The following ORC1 variants were observed in gnomAD, a reference collection of about 807,000 sequenced individuals.
ORC1 encodes the protein origin recognition complex, subunit 1 homolog.
A neutral mutation model predicts 98.9 loss-of-function variants in ORC1; 61 were observed. That is an observed-to-expected ratio of 0.62 (90% CI 0.50 to 0.76). ORC1 has a LOEUF of 0.76. Among genes scored for constraint, ORC1 ranks in the 30% least tolerant of loss-of-function variants. The pLI, the probability that ORC1 is intolerant of heterozygous loss-of-function variation, is 0.00. For synonymous variants in ORC1, 385 were observed against 406.9 expected (o/e 0.95, Z 0.65); for missense variants, 979 against 1,072.2 (o/e 0.91, Z 1.21).
rs772302149 is a variant in ORC1, at chr1:52,383,459, C to T, written c.1974G>A (p.Leu658=). The T allele has an allele frequency of 6.2e-7, 1 of 1,613,230 alleles. No individual in the cohort carries two copies. The highest frequency in any genetic ancestry group is 8.5e-7 in the Non-Finnish European group (1 of 1,180,048). Residue 658 remains leucine (L), a synonymous_variant, in exon 13 of 17, where the codon CTG becomes CTA. Transcript: ENST00000371568. Reference sequence around the variant, plus strand: ...CCCGGTTCATCATGATTCGCTCTGGCAGGTCCATTGTGTTGGCAATTGCCA... The same window carrying T: ...CCCGGTTCATCATGATTCGCTCTGGTAGGTCCATTGTGTTGGCAATTGCCA... ...VVLAIANTMD[L]PERIMMNRVS...
Position 52,384,684 on chromosome 1 carries a change from T to A in ORC1, c.1621A>T (p.Thr541Ser). ...YISGVPGTGK[T>S]ATVHEVIRCL... is the part of the protein sequence containing the mutation. ...CGTATCACTTCATGAACAGTGGCAGTCTTCCCTGTCCCAGGGACACCGGAG... is the reference window on the plus strand; with the variant it reads ...CGTATCACTTCATGAACAGTGGCAGACTTCCCTGTCCCAGGGACACCGGAG... The change falls in exon 11 of 17, where the codon ACT (threonine) becomes TCT (serine). Residue 541 changes from threonine (T) to serine (S), a missense_variant. Thr to Ser is a moderately conservative substitution (Grantham distance 58). Transcript: ENST00000371568. 6.2e-7 allele frequency: 1 copy of A among 1,613,962 alleles called. No individual in the cohort carries two copies. Among genetic ancestry groups the A allele is most frequent in the South Asian group, 1.1e-5 (1 of 91,072 alleles).
chr1:52,388,811 C>T (rs530833650), intron 7 of ORC1, among the ~76,000 whole-genome samples, 174 bp from the exon 8 acceptor site: 2 of 151,896 alleles, frequency 1.3e-5, no homozygotes, highest in South Asian at 4.2e-4. Context: ...CTCATTAAAC[C>T]CCTCAACAAC....
At chr1:52,385,138 C>A in intron 10 of ORC1, 23 bp downstream of exon 10, 1 of 1,493,356 alleles carries the variant, frequency 6.7e-7, no homozygotes, top group South Asian at 1.1e-5. Flanking sequence ...CCCAAACTAC[C>A]CTGCCTGCCT....
upstream of ORC1, chr1:52,405,921 C>G (rs1647974807): frequency 5.4e-6 from 6 of 1,109,136 alleles, no homozygotes; most frequent in Non-Finnish European, 8.1e-6. Flanking sequence ...GGGGTGTACA[C>G]AATGTATCTC....
At chr1:52,390,535 G>A (rs879287174) in intron 6 of ORC1, among the ~76,000 whole-genome samples, 13 of 152,314 alleles carry the variant, frequency 8.5e-5, no homozygotes, top group African/African-American at 1.9e-4. Context: ...GGTGGCTCAC[G>A]CCTGTAATCC....
Position 52,373,196 on chromosome 1 carries a change from C to A in ORC1, c.2571G>T (p.Ala857=). The change falls in exon 17 of 17, where the codon GCG becomes GCT. Residue 857 remains alanine (A), a synonymous_variant. Transcript: ENST00000371568. ...TGAAGCCCCTTTACTCGTCTTTCAG[C>A]GCATACAGCACATCATCCTGGCTGA... ...LNVSQDDVLY[A]LKDE is the part of the protein sequence containing the mutation. 1 of 1,614,140 alleles carries A rather than the reference C, an allele frequency of 6.2e-7. No homozygotes were observed. Among genetic ancestry groups the A allele is most frequent in the Non-Finnish European group, 8.5e-7 (1 of 1,180,008 alleles).
intron 7 of ORC1, 136 bp downstream of exon 7, chr1:52,389,076 TTAACA>T: frequency 1.4e-6 from 1 of 736,166 alleles, no homozygotes; most frequent in East Asian, 2.7e-5. Context: ...TATTTGAAAC[TTAACA>T]TAATTCCAGA....
In ORC1 at chr1:52,402,187, T is replaced by C. The variant is rs1161193587; in HGVS notation, c.37A>G (p.Thr13Ala). Reference sequence around the variant, plus strand: ...AAGGGCCTGCCAACCCATGAATAAGTTTTTCTGGTCTTCAGCCTTGTGGGG... The same window carrying C: ...AAGGGCCTGCCAACCCATGAATAAGCTTTTCTGGTCTTCAGCCTTGTGGGG... ...HYPTRLKTRKTYSWVGRPLLD... is the reference protein window; with the variant it reads ...HYPTRLKTRKAYSWVGRPLLD... Residue 13 changes from threonine to alanine, a missense_variant, in exon 2 of 17, where the codon ACT becomes GCT. By Grantham distance (58) the Thr-to-Ala change is moderately conservative. Transcript: ENST00000371568. 1.2e-6 allele frequency: 2 copies of C among 1,614,068 alleles called. No homozygotes were observed. The highest frequency in any genetic ancestry group is 1.3e-5 in the African/African-American group (1 of 74,920).
chr1:52,381,907 C>T, intron 13 of ORC1, 146 bp from the exon 14 acceptor site: 1 of 773,704 alleles, frequency 1.3e-6, no homozygotes, highest in East Asian at 2.6e-5. Flanking sequence ...ACTGCCTTTA[C>T]TGACAATGAC....
chr1:52,397,109 C>G (rs1240127713), intron 4 of ORC1, among the ~76,000 whole-genome samples: 1 of 152,154 alleles, frequency 6.6e-6, no homozygotes, highest in Non-Finnish European at 1.5e-5. Flanking sequence ...GATAATCATG[C>G]CAGACGAGAG....
Position 52,388,601 on chromosome 1 carries a change from T to C in ORC1, c.1224A>G (p.Lys408=). The part of the protein sequence containing the change: ...LGNSKSDQEE[K]EILPAAEISD... ...AAATCTCTGCTGCTGGCAGAATCTC[T>C]TTCTCTTCTTGGTCACTTTTACTAT... Residue 408 remains lysine (K), a synonymous_variant, in exon 8 of 17, where the codon AAA becomes AAG. Coordinates refer to ENST00000371568, the MANE Select transcript of ORC1 (RefSeq NM_004153.4). 6.2e-7 allele frequency: 1 copy of C among 1,614,112 alleles called. No individual in the cohort carries two copies.
chr1:52,394,730 C>T (rs1163781523), intron 5 of ORC1, among the ~76,000 whole-genome samples: 7 of 152,182 alleles, frequency 4.6e-5, no homozygotes, highest in Admixed American at 4.6e-4. Context: ...CTCACTGCCA[C>T]CTGTGCCTCC....
At chr1:52,403,958 T>C (rs534826575) in intron 1 of ORC1, among the ~76,000 whole-genome samples, 72 of 152,290 alleles carry the variant, frequency 4.7e-4, no homozygotes, top group African/African-American at 1.4e-3. Flanking sequence ...AAGTCATCAC[T>C]GAGCATCAGG....
Position 52,373,152 on chromosome 1 carries a change from A to T in ORC1, c.*29T>A. The T allele has an allele frequency of 6.2e-7, 1 of 1,609,642 alleles. No homozygotes were observed. On this transcript the variant is annotated 3_prime_UTR_variant, in exon 17 of 17. Transcript: ENST00000371568. ...GTCTCAAAAAACAAAACCCAGCAAG[A>T]CCCCAGTCTTTTAACTTGTGAAGCC... is the stretch of plus-strand genomic sequence containing the variant.
At chr1:52,385,749 A>G in intron 9 of ORC1, 103 bp downstream of exon 9, 1 of 782,644 alleles carries the variant, frequency 1.3e-6, no homozygotes, top group Non-Finnish European at 2.3e-6. Context: ...CACACAGTGT[A>G]TCTACCTTTA....
intron 13 of ORC1, among the ~76,000 whole-genome samples, chr1:52,382,779 C>A (rs1647089524): frequency 6.6e-6 from 1 of 151,900 alleles, no homozygotes; most frequent in Non-Finnish European, 1.5e-5. Flanking sequence ...GGGGTTTCTC[C>A]ATGTTGGTCA....
intron 3 of ORC1, among the ~76,000 whole-genome samples, chr1:52,400,780 G>C (rs557075964): frequency 1.3e-5 from 2 of 152,112 alleles, no homozygotes; most frequent in Non-Finnish European, 2.9e-5. Context: ...CTTCCCTTTT[G>C]TTCCTCCAGC....
intron 8 of ORC1, among the ~76,000 whole-genome samples, chr1:52,386,944 G>A (rs973988773): frequency 1.3e-5 from 2 of 152,048 alleles, no homozygotes; most frequent in African/African-American, 4.8e-5. Flanking sequence ...GACAGAGCAA[G>A]AGCGTGTCTC....
At chr1:52,408,636 T>G, upstream of ORC1, 1 of 1,614,224 alleles carries the variant, frequency 6.2e-7, no homozygotes, top group Non-Finnish European at 8.5e-7. Flanking sequence ...CTACAAGTAC[T>G]TGGAACCTTT....
Sources: gnomAD v4.1 joint callset for allele counts (sites outside exome capture counted in the v4.1 genomes callset) on GRCh38, gnomAD v4.1.1 for gene constraint, MANE v1.5 for transcripts, NCBI Gene and HGNC (gene_info 2026-07-23, HGNC 2026-07-21) for gene names.